Variants in CCBE1 observed in about 807,000 individuals in gnomAD.
CCBE1 encodes the protein collagen and calcium binding EGF domains 1, also known as collagen and calcium-binding EGF domain-containing protein 1.
In CCBE1, 37 loss-of-function variants were observed where a neutral mutation model predicts 50.0. The observed-to-expected ratio is 0.74, with a 90% CI of 0.57 to 0.97. CCBE1 has a LOEUF of 0.97. CCBE1 is among the 50% of genes least tolerant of loss of function. The pLI, the probability that CCBE1 is intolerant of heterozygous loss-of-function variation, is 0.00. For synonymous variants in CCBE1, 234 were observed against 203.7 expected, an observed-to-expected ratio of 1.15 and a Z score of -1.27; for missense variants, 538 against 523.8, an observed-to-expected ratio of 1.03 and a Z score of -0.26.
At chr18:59,659,625 G>A (rs1568259545) in intron 2 of CCBE1, among the ~76,000 whole-genome samples, 1 of 152,204 alleles carries the variant, frequency 6.6e-6, no homozygotes, top group Non-Finnish European at 1.5e-5. Context: ...AGTCATGACA[G>A]GGATGTGTCT....
chr18:59,487,634 C>A (rs1169714217), intron 2 of CCBE1, among the ~76,000 whole-genome samples: 3 of 152,174 alleles, frequency 2.0e-5, no homozygotes, highest in African/African-American at 4.8e-5. Flanking sequence ...CCCACCACCA[C>A]CAAAACCTGC....
intron 2 of CCBE1, among the ~76,000 whole-genome samples, chr18:59,615,959 A>T (rs1484831663): frequency 6.6e-6 from 1 of 152,224 alleles, no homozygotes; most frequent in African/African-American, 2.4e-5. Flanking sequence ...TACCATGGCC[A>T]TATTGGGATC....
At chr18:59,534,318 T>C (rs1013321) in intron 2 of CCBE1, among the ~76,000 whole-genome samples, 9,972 of 152,278 alleles carry the variant, frequency 0.065, 946 homozygotes, top group East Asian at 0.43. Flanking sequence ...GAATCCCAAA[T>C]CTGTAAGGCC....
At position 59,436,156 on chromosome 18, in the gene CCBE1, G is replaced by A. The variant is rs768388763; in HGVS notation, c.988-15C>T. 3 of 1,611,866 alleles carry A rather than the reference G, an allele frequency of 1.9e-6. No individual in the cohort carries two copies. The highest frequency in any genetic ancestry group is 3.3e-5 in the Admixed American group (2 of 60,022). On this transcript the variant is annotated splice_polypyrimidine_tract_variant and intron_variant, in intron 10 of 10. Coordinates refer to ENST00000439986, the MANE Select transcript of CCBE1 (RefSeq NM_133459.4). ...CCAGGGGGTCCCTGTGTACATGGGA[G>A]GAATCAAAGCTAGAATACGACAGAC...
chr18:59,457,927 G>A (rs568342497), intron 5 of CCBE1, among the ~76,000 whole-genome samples: 7 of 152,330 alleles, frequency 4.6e-5, no homozygotes, highest in East Asian at 3.9e-4. Context: ...AAGGGCTGAC[G>A]CCTTAACTTT....
intron 2 of CCBE1, among the ~76,000 whole-genome samples, chr18:59,644,454 C>T (rs114320886): frequency 0.026 from 3,888 of 152,274 alleles, 121 homozygotes; most frequent in African/African-American, 0.075. Flanking sequence ...CTTCCCAGAC[C>T]CTCTCCTTGT....
chr18:59,669,789 C>T (rs1382814306), intron 2 of CCBE1, among the ~76,000 whole-genome samples: 1 of 152,202 alleles, frequency 6.6e-6, no homozygotes, highest in Non-Finnish European at 1.5e-5. Flanking sequence ...TGGGGTCAGG[C>T]CCACCTTTCA....
chr18:59,593,385 A>G (rs1212550910), intron 2 of CCBE1, among the ~76,000 whole-genome samples: 1 of 152,202 alleles, frequency 6.6e-6, no homozygotes, highest in Non-Finnish European at 1.5e-5. Context: ...TAGTTTTTAT[A>G]TTAGCTTAAG....
At chr18:59,685,715 G>A (rs1007132740) in intron 2 of CCBE1, 1 of 152,182 alleles carries the variant, frequency 6.6e-6, no homozygotes, top group Non-Finnish European at 1.5e-5. Flanking sequence ...AAACCTCCTC[G>A]GATGATTTCT....
At chr18:59,466,023 C>T (rs914815540) in intron 5 of CCBE1, among the ~76,000 whole-genome samples, 12 of 152,120 alleles carry the variant, frequency 7.9e-5, no homozygotes, top group Non-Finnish European at 1.8e-4. Context: ...GTCCCATTTA[C>T]AATTCATATA....
chr18:59,504,160 A>T (rs908809368), intron 2 of CCBE1, among the ~76,000 whole-genome samples: 1 of 152,168 alleles, frequency 6.6e-6, no homozygotes, highest in Non-Finnish European at 1.5e-5. Flanking sequence ...ATATACATAC[A>T]TAGGGTCTCT....
intron 2 of CCBE1, among the ~76,000 whole-genome samples, chr18:59,662,225 C>T (rs1348060267): frequency 6.6e-6 from 1 of 152,170 alleles, no homozygotes; most frequent in Non-Finnish European, 1.5e-5. Flanking sequence ...ACAGCTGACA[C>T]CAGAAGATAG....
intron 2 of CCBE1, among the ~76,000 whole-genome samples, chr18:59,527,322 AC>A (rs910146626): frequency 4.0e-5 from 6 of 151,896 alleles, no homozygotes; most frequent in Admixed American, 3.9e-4. Context: ...TAGGATTGCA[AC>A]CCTGTTCTTT....
intron 2 of CCBE1, among the ~76,000 whole-genome samples, chr18:59,511,863 A>G (rs1485202677): frequency 5.9e-5 from 9 of 152,212 alleles, no homozygotes; most frequent in Admixed American, 5.2e-4. Context: ...ACATGATCAA[A>G]AAGAGGCAAA....
At chr18:59,440,863 T>C (rs1165885739) in intron 7 of CCBE1, among the ~76,000 whole-genome samples, 1 of 152,180 alleles carries the variant, frequency 6.6e-6, no homozygotes, top group African/African-American at 2.4e-5. Context: ...GTAATAGCAA[T>C]CTACAGTGTG....
intron 2 of CCBE1, among the ~76,000 whole-genome samples, chr18:59,605,515 C>T (rs1038599233): frequency 2.0e-5 from 3 of 152,174 alleles, no homozygotes; most frequent in African/African-American, 7.2e-5. Flanking sequence ...GTGGATAACT[C>T]TTAGGTTGGC....
At chr18:59,695,256 C>A (rs2054790198) in intron 2 of CCBE1, among the ~76,000 whole-genome samples, 1 of 152,160 alleles carries the variant, frequency 6.6e-6, no homozygotes, top group Non-Finnish European at 1.5e-5. Context: ...ACACTGTGGT[C>A]GTGTGGATGA....
intron 2 of CCBE1, among the ~76,000 whole-genome samples, chr18:59,629,103 G>C (rs1039855553): frequency 3.3e-5 from 5 of 152,078 alleles, no homozygotes; most frequent in Non-Finnish European, 7.4e-5. Flanking sequence ...AACTCTCCAA[G>C]GGCTCCCATG....
At chr18:59,680,939 TA>T (rs1316717757) in intron 2 of CCBE1, among the ~76,000 whole-genome samples, 1 of 151,834 alleles carries the variant, frequency 6.6e-6, no homozygotes, top group Non-Finnish European at 1.5e-5. Context: ...ACCTTTTTAT[TA>T]AGCTGAGACT....
Sources: allele counts gnomAD v4.1 joint callset (sites outside exome capture counted in the v4.1 genomes callset), GRCh38; gene constraint gnomAD v4.1.1; transcripts MANE v1.5; gene names NCBI Gene and HGNC (gene_info 2026-07-23, HGNC 2026-07-21).